The following ORC6 variants were observed in gnomAD, a reference collection of about 807,000 sequenced individuals.
ORC6 encodes origin recognition complex, subunit 6 homolog-like (yeast).
A neutral mutation model predicts 30.0 loss-of-function variants in ORC6; 31 were observed. The observed-to-expected ratio is 1.03, with a 90% CI of 0.78 to 1.40. ORC6 has a LOEUF of 1.40. ORC6 is among the 40% of genes most tolerant of loss of function. The probability of loss-of-function intolerance (pLI) is 0.00; values close to 1 mark genes in which losing one functional copy is unlikely to be tolerated. For missense variants in ORC6, 340 were observed against 304.3 expected (o/e 1.12, Z -0.87); for synonymous variants, 136 against 111.2 (o/e 1.22, Z -1.40).
chr16:46,696,106 A>G (rs372706587), intron 6 of ORC6, 21 bp downstream of exon 6: 9 of 1,561,696 alleles, frequency 5.8e-6, no homozygotes, highest in Non-Finnish European at 7.9e-6. Flanking sequence ...CTAACACGGT[A>G]CTGACGTTGA....
At chr16:46,690,769 A>T in intron 1 of ORC6, 1 of 596,878 alleles carries the variant, frequency 1.7e-6, no homozygotes, top group African/African-American at 1.8e-5. Context: ...GTCAAAATTT[A>T]ACTTCCTTTT....
At chr16:46,695,779 G>A (rs1227359865) in intron 5 of ORC6, 105 bp downstream of exon 5, 11 of 800,482 alleles carry the variant, frequency 1.4e-5, no homozygotes, top group Admixed American at 5.9e-5. Flanking sequence ...CCTAAATTCC[G>A]TATTACATGT....
At chr16:46,696,722 C>A (rs753740522) in intron 6 of ORC6, among the ~76,000 whole-genome samples, 1 of 152,176 alleles carries the variant, frequency 6.6e-6, no homozygotes, top group Non-Finnish European at 1.5e-5. Context: ...GTGGCACGGT[C>A]TCGGCTCACT....
intron 4 of ORC6, chr16:46,694,561 C>G (rs184880036): frequency 8.3e-6 from 1 of 119,796 alleles, no homozygotes; most frequent in African/African-American, 3.0e-5. Flanking sequence ...ACCTCCCTCC[C>G]GGACGGGGCA....
chr16:46,696,132 A>G, intron 6 of ORC6, 47 bp downstream of exon 6: 1 of 1,309,454 alleles, frequency 7.6e-7, no homozygotes, highest in Non-Finnish European at 1.1e-6. Flanking sequence ...TATGCAGTGA[A>G]CAGCCCAGTG....
intron 4 of ORC6, chr16:46,694,651 C>T (rs1966499986): frequency 7.1e-6 from 1 of 141,632 alleles, no homozygotes; most frequent in Non-Finnish European, 1.5e-5. Flanking sequence ...GACCCCCCCA[C>T]AACACTGTCT....
At position 46,698,005 on chromosome 16, in the gene ORC6, C is replaced by T. The variant is rs1345183083; in HGVS notation, c.*420C>T. 41 of 416,624 alleles carry T rather than the reference C, an allele frequency of 9.8e-5. No individual in the cohort carries two copies. The highest frequency in any genetic ancestry group is 1.4e-4 in the Non-Finnish European group (29 of 205,792). 25.8% of individuals were successfully genotyped at this position (416,624 alleles called of 1,614,324 possible). On this transcript the variant is annotated 3_prime_UTR_variant, in exon 7 of 7. Transcript: ENST00000219097. Reference sequence around the variant, plus strand: ...TGGTGCATGCCTGTAATCCCAGCTCCTCAGTAGGCTGAGACAGGAGCATCA... The same window carrying T: ...TGGTGCATGCCTGTAATCCCAGCTCTTCAGTAGGCTGAGACAGGAGCATCA...
At position 46,698,227 on chromosome 16, in the gene ORC6, A is replaced by G. The variant is rs1233754081; in HGVS notation, c.*642A>G. The G allele has an allele frequency of 2.2e-6, 1 of 454,940 alleles. No homozygotes were observed. Among genetic ancestry groups the G allele is most frequent in the East Asian group, 7.0e-5 (1 of 14,376 alleles). The allele number at this position is 454,940 out of a possible 1,614,324, so 28.2% of individuals were successfully genotyped here. A position where few individuals can be genotyped will look rare whatever the true frequency, so the allele number is the denominator to read the frequency against. On this transcript the variant is annotated 3_prime_UTR_variant, in exon 7 of 7. Coordinates refer to ENST00000219097, the MANE Select transcript of ORC6 (RefSeq NM_014321.4). The stretch of plus-strand genomic sequence containing the variant: ...TAGATAGATAGATAAACGGAATTGG[A>G]GCCATTTTGCTTTAAGTGAATGGCA...
rs1311898743 is a variant in ORC6 at position 46,695,661 on chromosome 16, ACAG to A, written c.553_555del (p.Gln185del). 1.2e-6 allele frequency: 2 copies of A among 1,601,252 alleles called. No homozygotes were observed. Among genetic ancestry groups the A allele is most frequent in the Admixed American group, 3.3e-5 (2 of 60,008 alleles). ...TGTGTAAACAACTAGAGAAGATTGG[ACAG>A]CAGGTCGACAGTAAGTATTCTGTAG... On this transcript the variant is annotated inframe_deletion, in exon 5 of 7. Coordinates refer to ENST00000219097, the MANE Select transcript of ORC6 (RefSeq NM_014321.4).
intron 2 of ORC6, among the ~76,000 whole-genome samples, chr16:46,691,958 A>ACACACACACATACACACACACACTCTCT: frequency 2.7e-5 from 1 of 36,664 alleles, no homozygotes; most frequent in African/African-American, 9.6e-5. Flanking sequence ...ACACACACAC[A>ACACACACACATACACACACACACTCTCT]CTCTCTCTCT....
At chr16:46,693,420 A>G (rs984049949) in intron 4 of ORC6, 3 of 565,444 alleles carry the variant, frequency 5.3e-6, no homozygotes, top group Admixed American at 6.2e-5. Flanking sequence ...TATGCTGGGA[A>G]TTCTGATTTC....
At chr16:46,696,117 C>T in intron 6 of ORC6, 32 bp downstream of exon 6, 1 of 1,497,144 alleles carries the variant, frequency 6.7e-7, no homozygotes, top group Non-Finnish European at 9.3e-7. Flanking sequence ...CTGACGTTGA[C>T]ATTTTATGCA....
At position 46,693,165 on chromosome 16, in the gene ORC6, A is replaced by G; in HGVS notation, c.432A>G (p.Ala144=). The stretch of plus-strand genomic sequence containing the variant: ...CCAGGCCACTTTTCACTTCTGCTGC[A>G]CTGCTTTCAGCATGCAAGTAGGTAT... ...DLSRPLFTSA[A]LLSACKILKL... Residue 144 remains alanine, a synonymous_variant, in exon 4 of 7, where the codon GCA becomes GCG. Transcript: ENST00000219097. 1.2e-6 allele frequency: 2 copies of G among 1,611,558 alleles called. No individual in the cohort carries two copies. The highest frequency in any genetic ancestry group is 1.7e-6 in the Non-Finnish European group (2 of 1,177,696).
At position 46,692,438 on chromosome 16, in the gene ORC6, A is replaced by C; in HGVS notation, c.252A>C (p.Lys84Asn). ...LNKETYQSCL[K>N]SFECLLGLNS... is the part of the protein sequence containing the mutation. ...AGGAGACATATCAGAGCTGTCTTAA[A>C]TCTTTTGAGTGTTTACTGGGCCTGA... is the stretch of plus-strand genomic sequence containing the variant. The change falls in exon 3 of 7, where the codon AAA (lysine) becomes AAC (asparagine). Residue 84 changes from lysine to asparagine, a missense_variant. Lys to Asn is a moderately conservative substitution (Grantham distance 94, BLOSUM62 0). Coordinates refer to ENST00000219097, the MANE Select transcript of ORC6 (RefSeq NM_014321.4). The C allele has an allele frequency of 6.2e-7, 1 of 1,613,930 alleles. No homozygotes were observed. Among genetic ancestry groups the C allele is most frequent in the Non-Finnish European group, 8.5e-7 (1 of 1,179,772 alleles).
chr16:46,691,958 A>ACACACACACACACACACACACACACACT, intron 2 of ORC6, among the ~76,000 whole-genome samples: 1 of 36,664 alleles, frequency 2.7e-5, no homozygotes, highest in African/African-American at 9.6e-5. Flanking sequence ...ACACACACAC[A>ACACACACACACACACACACACACACACT]CTCTCTCTCT....
At chr16:46,690,317 G>A (rs542232499) in intron 1 of ORC6, among the ~76,000 whole-genome samples, 1 of 152,358 alleles carries the variant, frequency 6.6e-6, no homozygotes, top group Non-Finnish European at 1.5e-5. Flanking sequence ...AGGCAGGGGC[G>A]ACAGCTCCTG....
chr16:46,695,078 A>T (rs1259432974), intron 4 of ORC6: 1 of 181,670 alleles, frequency 5.5e-6, no homozygotes, highest in East Asian at 1.6e-4. Context: ...AAACCATATT[A>T]CGCTGAGTAA....
In ORC6 at chr16:46,698,121, AATAG is replaced by A. The variant is rs757852732; in HGVS notation, c.*544_*547del. On this transcript the variant is annotated 3_prime_UTR_variant, in exon 7 of 7. Transcript: ENST00000219097. ...CAGAGCGAGACTTATCTCATAAATA[AATAG>A]ATAGATACTCCAGCCTGGGTGACAG... 31 of 435,594 alleles carry A rather than the reference AATAG, an allele frequency of 7.1e-5. No homozygotes were observed. Among genetic ancestry groups the A allele is most frequent in the Admixed American group, 2.4e-4 (10 of 40,992 alleles). The allele number at this position is 435,594 out of a possible 1,614,324, so 27.0% of individuals were successfully genotyped here.
intron 3 of ORC6, 37 bp downstream of exon 3, chr16:46,692,582 C>G: frequency 6.3e-7 from 1 of 1,584,600 alleles, no homozygotes. Flanking sequence ...AAAATGTATA[C>G]CAATAGGCCG....
Sources: gnomAD v4.1 joint callset for allele counts (sites outside exome capture counted in the v4.1 genomes callset) on GRCh38, gnomAD v4.1.1 for gene constraint, MANE v1.5 for transcripts, NCBI Gene and HGNC (gene_info 2026-07-23, HGNC 2026-07-21) for gene names.